The following RSBN1L variants were observed in gnomAD, a reference collection of about 807,000 sequenced individuals.
RSBN1L encodes round spermatid basic protein 1 like.
In RSBN1L, 30 loss-of-function variants were observed where a neutral mutation model predicts 67.7. That is an observed-to-expected ratio of 0.44 (90% CI 0.33 to 0.60). The LOEUF (loss-of-function observed/expected upper bound fraction) is 0.60, where lower values mean the gene tolerates loss of function less well. Ranked by LOEUF, RSBN1L falls within the 20% of genes least tolerant of loss-of-function variation. The pLI is 0.02. For synonymous variants in RSBN1L, 433 were observed against 387.0 expected (o/e 1.12, Z -1.39); for missense variants, 992 against 1,031.7 (o/e 0.96, Z 0.53).
At chr7:77,768,068 CGATATCTT>C (rs1272475762) in intron 4 of RSBN1L, among the ~76,000 whole-genome samples, 1 of 150,456 alleles carries the variant, frequency 6.6e-6, no homozygotes, top group Non-Finnish European at 1.5e-5. Flanking sequence ...AGGACGGTCT[CGATATCTT>C]GATATCTTGA....
intron 3 of RSBN1L, among the ~76,000 whole-genome samples, chr7:77,752,537 G>T (rs1791568400): frequency 6.6e-6 from 1 of 152,152 alleles, no homozygotes; most frequent in Non-Finnish European, 1.5e-5. Context: ...AGAAAAATGA[G>T]CATGCTTCTT....
intron 3 of RSBN1L, among the ~76,000 whole-genome samples, chr7:77,752,170 C>A (rs1287432476): frequency 3.3e-5 from 5 of 152,124 alleles, no homozygotes; most frequent in African/African-American, 1.2e-4. Flanking sequence ...TGAGCCACCT[C>A]CTCTGGTTGT....
At chr7:77,748,993 C>T (rs1012656796) in intron 2 of RSBN1L, among the ~76,000 whole-genome samples, 47 of 152,138 alleles carry the variant, frequency 3.1e-4, no homozygotes, top group East Asian at 9.7e-4. Flanking sequence ...TGGTGGCTCA[C>T]GCCTGTAATC....
intron 1 of RSBN1L, among the ~76,000 whole-genome samples, chr7:77,734,214 TG>T (rs1791304145): frequency 6.6e-6 from 1 of 152,210 alleles, no homozygotes; most frequent in Admixed American, 6.5e-5. Context: ...ATACAAAGAC[TG>T]GAAGGGAACA....
At chr7:77,764,256 A>G (rs1383608035) in intron 3 of RSBN1L, among the ~76,000 whole-genome samples, 1 of 152,218 alleles carries the variant, frequency 6.6e-6, no homozygotes, top group Non-Finnish European at 1.5e-5. Flanking sequence ...AGACAATTAC[A>G]GTTTTGCTTA....
At chr7:77,716,524 C>T (rs956253777) in intron 1 of RSBN1L, among the ~76,000 whole-genome samples, 1 of 149,774 alleles carries the variant, frequency 6.7e-6, no homozygotes, top group African/African-American at 2.5e-5. Context: ...CCCACTGTCA[C>T]GCTCTAGATA....
chr7:77,716,334 GT>G (rs1424217411), intron 1 of RSBN1L, among the ~76,000 whole-genome samples: 1 of 151,392 alleles, frequency 6.6e-6, no homozygotes, highest in Non-Finnish European at 1.5e-5. Flanking sequence ...TTTTGTTTTT[GT>G]TTTTGACACC....
At chr7:77,698,821 C>A (rs967913488) in intron 1 of RSBN1L, among the ~76,000 whole-genome samples, 1 of 151,852 alleles carries the variant, frequency 6.6e-6, no homozygotes, top group Non-Finnish European at 1.5e-5. Context: ...TTTTCAGACA[C>A]AAATGCTATC....
chr7:77,768,700 C>G lies in RSBN1L; in HGVS notation c.1522C>G (p.Gln508Glu), dbSNP rs758709558. ...GGGGACGCTATCTAGTCTAAAATTA[C>G]AGAGTCGAAAAGATAGTGATGATGG... is the stretch of plus-strand genomic sequence containing the variant. ...PWGTLSSLKL[Q>E]SRKDSDDGPI... Residue 508 changes from glutamine (Q) to glutamate (E), a missense_variant, in exon 5 of 8, where the codon CAG becomes GAG. Around this residue, in one of 7 missense-constraint regions of RSBN1L, gnomAD observed 67 missense variants for 130.5 expected, o/e 0.51. Transcript: ENST00000334955. 1.9e-5 allele frequency: 31 copies of G among 1,613,618 alleles called. No individual in the cohort carries two copies. Among genetic ancestry groups the G allele is most frequent in the Middle Eastern group, 1.6e-4 (1 of 6,080 alleles).
chr7:77,749,313 A>T, intron 2 of RSBN1L, 111 bp from the exon 3 acceptor site: 4 of 810,910 alleles, frequency 4.9e-6, no homozygotes, highest in Non-Finnish European at 7.5e-6. Flanking sequence ...TAAATATATA[A>T]TTCTGAGTAA....
At chr7:77,709,266 G>T (rs1445155738) in intron 1 of RSBN1L, among the ~76,000 whole-genome samples, 1 of 151,930 alleles carries the variant, frequency 6.6e-6, no homozygotes, top group Non-Finnish European at 1.5e-5. Flanking sequence ...TCTCCTTACA[G>T]TGGCAGATAG....
intron 6 of RSBN1L, among the ~76,000 whole-genome samples, chr7:77,777,808 A>G (rs953339367): frequency 2.0e-5 from 3 of 152,182 alleles, no homozygotes; most frequent in African/African-American, 7.2e-5. Flanking sequence ...TTAGAATTAT[A>G]TTTAAAGGCA....
chr7:77,767,937 G>A (rs1295482478), intron 4 of RSBN1L, among the ~76,000 whole-genome samples: 4 of 143,060 alleles, frequency 2.8e-5, no homozygotes, highest in East Asian at 2.1e-4. Context: ...TGCAACCTCC[G>A]CCTCCGAGGT....
intron 6 of RSBN1L, among the ~76,000 whole-genome samples, chr7:77,777,186 G>A (rs888376003): frequency 2.6e-5 from 4 of 151,064 alleles, no homozygotes; most frequent in African/African-American, 2.4e-5. Context: ...CACATTTCTG[G>A]CCTTTGTGCT....
chr7:77,745,998 G>A (rs1791479000), intron 2 of RSBN1L, among the ~76,000 whole-genome samples: 1 of 152,130 alleles, frequency 6.6e-6, no homozygotes. Context: ...GTGAGCAATG[G>A]GGAATGGCTG....
At chr7:77,776,882 G>A (rs560433202) in intron 6 of RSBN1L, among the ~76,000 whole-genome samples, 2 of 151,670 alleles carry the variant, frequency 1.3e-5, no homozygotes, top group Admixed American at 1.3e-4. Context: ...TTTAATTGGA[G>A]TATTTAGATT....
At chr7:77,730,232 A>T (rs1221036306) in intron 1 of RSBN1L, among the ~76,000 whole-genome samples, 1 of 152,098 alleles carries the variant, frequency 6.6e-6, no homozygotes, top group Non-Finnish European at 1.5e-5. Flanking sequence ...TTTATGCCTT[A>T]AAAAGTTGAC....
intron 1 of RSBN1L, among the ~76,000 whole-genome samples, chr7:77,698,380 A>G (rs1017593493): frequency 6.6e-6 from 1 of 152,256 alleles, no homozygotes; most frequent in East Asian, 1.9e-4. Flanking sequence ...AACAATTTAT[A>G]TGTAAAATTT....
intron 3 of RSBN1L, among the ~76,000 whole-genome samples, chr7:77,764,237 C>T (rs548789909): frequency 6.6e-6 from 1 of 152,278 alleles, no homozygotes; most frequent in Admixed American, 6.5e-5. Flanking sequence ...AAGGCTAATC[C>T]AGAGAAAGAG....
Sources: gnomAD v4.1 joint callset for allele counts (sites outside exome capture counted in the v4.1 genomes callset) on GRCh38, gnomAD v4.1.1 for gene constraint, gnomAD v4.1.1 regional missense constraint, MANE v1.5 for transcripts, NCBI Gene and HGNC (gene_info 2026-07-23, HGNC 2026-07-21) for gene names.